MYT1L: variants seen among roughly 807,000 people sequenced by gnomAD.
MYT1L encodes myelin transcription factor 1 like.
Under a neutral mutation model 126.7 loss-of-function variants are expected in MYT1L, and 12 were observed. The observed-to-expected ratio is 0.09, with a 90% confidence interval of 0.06 to 0.15. The LOEUF (loss-of-function observed/expected upper bound fraction) is 0.15. Ranked by LOEUF, MYT1L falls within the 10% of genes least tolerant of loss-of-function variation. The pLI is 1.00. For synonymous variants in MYT1L, 541 were observed against 604.2 expected (o/e 0.90, Z 1.53); for missense variants, 979 against 1,585.2 (o/e 0.62, Z 6.49).
chr2:2,005,082 G>A (rs1397352199), intron 4 of MYT1L, among the ~76,000 whole-genome samples: 2 of 149,966 alleles, frequency 1.3e-5, no homozygotes, highest in African/African-American at 4.9e-5. Flanking sequence ...GTTCTTTCCT[G>A]CAGGCGTTCT....
In MYT1L at chr2:1,980,446, C is replaced by T. The variant is rs1038697534; in HGVS notation, c.1-669G>A. Among the ~76,000 whole-genome samples, 47 of 151,814 alleles carry T rather than the reference C, an allele frequency of 3.1e-4. 1 individual carries two copies. Among genetic ancestry groups the T allele is most frequent in the Non-Finnish European group, 1.0e-4 (7 of 67,968 alleles). ...AGAACACGTTTTACCATCAGGGGCGCGCTCTCAATGTTGTTTAGTTCCTGG... is the reference window on the plus strand; with the variant it reads ...AGAACACGTTTTACCATCAGGGGCGTGCTCTCAATGTTGTTTAGTTCCTGG... On this transcript the variant is annotated intron_variant, in intron 5 of 24. Coordinates refer to ENST00000647738, the MANE Select transcript of MYT1L (RefSeq NM_001303052.2).
intron 2 of MYT1L, among the ~76,000 whole-genome samples, chr2:2,239,292 A>C (rs1172841670): frequency 6.6e-6 from 1 of 152,256 alleles, no homozygotes; most frequent in Non-Finnish European, 1.5e-5. Flanking sequence ...GGAAGGAAAA[A>C]GTGACTCTCA....
intron 2 of MYT1L, among the ~76,000 whole-genome samples, chr2:2,229,275 C>T (rs528901364): frequency 3.3e-5 from 5 of 152,154 alleles, no homozygotes; most frequent in African/African-American, 1.2e-4. Context: ...TTTAAAAAAG[C>T]ACAGGATCCC....
chr2:1,948,682 A>T (rs748622), intron 8 of MYT1L, among the ~76,000 whole-genome samples: 1 of 151,918 alleles, frequency 6.6e-6, no homozygotes, highest in African/African-American at 2.4e-5. Context: ...CAGCAACACC[A>T]GTGAAGGGCT....
At position 1,887,359 on chromosome 2, in the gene MYT1L, C is replaced by G. The variant is rs970130889; in HGVS notation, c.2642+129G>C. On this transcript the variant is annotated intron_variant, in intron 17 of 24. Transcript: ENST00000647738. The surrounding 1 kb of genome is among the most constrained non-coding windows in gnomAD (Gnocchi z 4.8). The stretch of plus-strand genomic sequence containing the variant: ...CTGCTCACTCTACTGACCCAGCAGT[C>G]GGAAACATTTATATGCTGCGAATGT... 1.6e-6 allele frequency: 2 copies of G among 1,252,574 alleles called. No individual in the cohort carries two copies. The highest frequency in any genetic ancestry group is 2.8e-5 in the South Asian group (2 of 70,484). The allele number at this position is 1,252,574 out of a possible 1,614,324, so 77.6% of individuals were successfully genotyped here. A position where few individuals can be genotyped will look rare whatever the true frequency, so the allele number is the denominator to read the frequency against.
At chr2:2,209,757 G>A (rs904965174) in intron 2 of MYT1L, among the ~76,000 whole-genome samples, 14 of 152,094 alleles carry the variant, frequency 9.2e-5, no homozygotes, top group African/African-American at 2.4e-4. Context: ...CAGTGAACAC[G>A]GGAGAGCAGA....
chr2:2,124,441 A>G (rs981693731), intron 3 of MYT1L, among the ~76,000 whole-genome samples: 4 of 151,964 alleles, frequency 2.6e-5, no homozygotes, highest in Admixed American at 6.5e-5. Flanking sequence ...GATTACAGGC[A>G]CGTGCCACCA....
At chr2:2,237,200 T>G (rs1194829839) in intron 2 of MYT1L, among the ~76,000 whole-genome samples, 1 of 152,160 alleles carries the variant, frequency 6.6e-6, no homozygotes, top group African/African-American at 2.4e-5. Flanking sequence ...TGGATCCCTC[T>G]TTGTTCCTCC....
rs574958164 is a variant in MYT1L, at chr2:2,076,742, A to T, written c.-303-22619T>A. 3.9e-5 allele frequency among the ~76,000 whole-genome samples: 6 copies of T among 152,318 alleles called. No homozygotes were observed. In the South Asian group the frequency reaches 1.2e-3, roughly 32 times the overall value. On this transcript the variant is annotated intron_variant, in intron 3 of 24. Coordinates refer to ENST00000647738, the MANE Select transcript of MYT1L (RefSeq NM_001303052.2). ...AATCTGATACCAGAATTGCTATAACATATTACCTAAAGATTTCCAGTTGTC... is the reference window on the plus strand; with the variant it reads ...AATCTGATACCAGAATTGCTATAACTTATTACCTAAAGATTTCCAGTTGTC...
chr2:2,047,689 C>T (rs1010219424), intron 4 of MYT1L, among the ~76,000 whole-genome samples: 1 of 152,118 alleles, frequency 6.6e-6, no homozygotes, highest in African/African-American at 2.4e-5. Context: ...AAGCAGACAA[C>T]GAAGTCTACA....
chr2:2,003,427 A>G (rs1236684413), intron 4 of MYT1L, among the ~76,000 whole-genome samples: 3 of 152,108 alleles, frequency 2.0e-5, no homozygotes, highest in Non-Finnish European at 4.4e-5. Flanking sequence ...ACCCTGGCCC[A>G]TGGTCCTGGC....
intron 2 of MYT1L, among the ~76,000 whole-genome samples, chr2:2,203,876 G>A (rs1376278962): frequency 6.6e-6 from 1 of 152,172 alleles, no homozygotes; most frequent in Admixed American, 6.5e-5. Context: ...CAAGGCTACA[G>A]TCACCAAAAC....
intron 3 of MYT1L, among the ~76,000 whole-genome samples, chr2:2,080,823 C>T (rs1490528254): frequency 1.3e-5 from 2 of 152,286 alleles, no homozygotes; most frequent in South Asian, 2.1e-4. Context: ...ATAACTTTAA[C>T]ATGTGACACA....
intron 1 of MYT1L, among the ~76,000 whole-genome samples, chr2:2,318,390 A>G (rs2096104858): frequency 1.3e-5 from 2 of 152,180 alleles, no homozygotes. Context: ...TACTGTTTTG[A>G]TCATTAACTT....
At chr2:2,251,410 G>A (rs17039463) in intron 2 of MYT1L, among the ~76,000 whole-genome samples, 3,251 of 152,218 alleles carry the variant, frequency 0.021, 101 homozygotes, top group African/African-American at 0.074. Context: ...GTTTCCGCCC[G>A]TGAATGCCAT....
At chr2:2,263,177 G>C (rs907907725) in intron 2 of MYT1L, among the ~76,000 whole-genome samples, 5 of 151,316 alleles carry the variant, frequency 3.3e-5, no homozygotes, top group African/African-American at 1.2e-4. Flanking sequence ...TTCCTTTTTT[G>C]ATGAATTAAT....
intron 2 of MYT1L, among the ~76,000 whole-genome samples, chr2:2,198,234 A>C (rs1282985128): frequency 6.6e-6 from 1 of 152,242 alleles, no homozygotes; most frequent in African/African-American, 2.4e-5. Context: ...GAGAGCAAAG[A>C]ATAGAACAGT....
chr2:2,081,696 T>C (rs534081361), intron 3 of MYT1L, among the ~76,000 whole-genome samples: 1 of 152,348 alleles, frequency 6.6e-6, no homozygotes, highest in African/African-American at 2.4e-5. Context: ...GTTATTCTTT[T>C]TAACCTCTTC....
intron 2 of MYT1L, among the ~76,000 whole-genome samples, chr2:2,189,116 G>A (rs570527267): frequency 6.6e-6 from 1 of 152,266 alleles, no homozygotes; most frequent in African/African-American, 2.4e-5. Context: ...CAGGACCATC[G>A]TTCTAAAAAT....
Sources: allele counts gnomAD v4.1 joint callset (sites outside exome capture counted in the v4.1 genomes callset), GRCh38; gene constraint gnomAD v4.1.1; non-coding constraint Gnocchi (gnomAD v3.1); transcripts MANE v1.5; gene names NCBI Gene and HGNC (gene_info 2026-07-23, HGNC 2026-07-21).